The following MTURN variants were observed in gnomAD, a reference collection of about 807,000 sequenced individuals.
The protein encoded by MTURN is maturin.
Under a neutral mutation model 14.9 loss-of-function variants are expected in MTURN, and 7 were observed. That is an observed-to-expected ratio of 0.47 (90% CI 0.27 to 0.88). The LOEUF is 0.88. MTURN is among the 40% of genes least tolerant of loss of function. MTURN has a pLI of 0.14. For synonymous variants in MTURN, 69 were observed against 72.5 expected, an observed-to-expected ratio of 0.95 and a Z score of 0.25; for missense variants, 151 against 174.1, an observed-to-expected ratio of 0.87 and a Z score of 0.75.
intron 1 of MTURN, chr7:30,145,737 T>A (rs74516169): frequency 0.053 from 66,345 of 1,241,736 alleles, 2,101 homozygotes; most frequent in Non-Finnish European, 0.061. Context: ...GAATGTCTTG[T>A]TCCAAGTTAA....
At position 30,135,308 on chromosome 7, in the gene MTURN, T is replaced by C. The variant is rs769186834; in HGVS notation, c.162+10T>C. 4 of 1,511,712 alleles carry C rather than the reference T, an allele frequency of 2.6e-6. No homozygotes were observed. In the South Asian group the frequency reaches 3.7e-5, roughly 14 times the overall value. The allele number at this position is 1,511,712 out of a possible 1,614,324, so 93.6% of individuals were successfully genotyped here. A position where few individuals can be genotyped will look rare whatever the true frequency, so the allele number is the denominator to read the frequency against. On this transcript the variant is annotated intron_variant, in intron 1 of 2. Coordinates refer to ENST00000324453, the MANE Select transcript of MTURN (RefSeq NM_152793.3). The stretch of plus-strand genomic sequence containing the variant: ...CTGCGGCGACAATTTTGTGAGTGCC[T>C]GGAGGAGGGACCGCCGGAGCCGGCG...
At position 30,158,137 on chromosome 7, in the gene MTURN, C is replaced by A. The variant is rs565498785; in HGVS notation, c.*589C>A. 1 of 152,348 alleles carries A rather than the reference C, an allele frequency of 6.6e-6. No individual in the cohort carries two copies. Among genetic ancestry groups the A allele is most frequent in the Admixed American group, 6.5e-5 (1 of 15,300 alleles). 9.4% of individuals were successfully genotyped at this position (152,348 alleles called of 1,614,324 possible). A position where few individuals can be genotyped will look rare whatever the true frequency, so the allele number is the denominator to read the frequency against. On this transcript the variant is annotated 3_prime_UTR_variant, in exon 3 of 3. Coordinates refer to ENST00000324453, the MANE Select transcript of MTURN (RefSeq NM_152793.3). ...GCCCAGAAGCCTTTAAGTGTTTTGC[C>A]ATTACTGAGTTACCTGGGTATGTAG...
intron 1 of MTURN, among the ~76,000 whole-genome samples, chr7:30,136,504 G>A (rs893270959): frequency 5.3e-5 from 8 of 152,202 alleles, no homozygotes; most frequent in Admixed American, 2.0e-4. Context: ...AGACAAAGCT[G>A]GGCCGTGGTC....
intron 1 of MTURN, among the ~76,000 whole-genome samples, chr7:30,144,210 A>G (rs1055011696): frequency 6.6e-6 from 1 of 152,168 alleles, no homozygotes; most frequent in African/African-American, 2.4e-5. Flanking sequence ...TCAGCTTTTA[A>G]CTCTGTCATC....
chr7:30,154,060 A>T (rs761846903), intron 2 of MTURN, among the ~76,000 whole-genome samples: 9 of 152,130 alleles, frequency 5.9e-5, no homozygotes, highest in Non-Finnish European at 8.8e-5. Flanking sequence ...CAGGTTCAAG[A>T]GGCCAAAGAA....
chr7:30,151,452 T>C (rs1284584778), intron 2 of MTURN, among the ~76,000 whole-genome samples: 1 of 152,188 alleles, frequency 6.6e-6, no homozygotes, highest in Non-Finnish European at 1.5e-5. Context: ...TGCCGTTCAG[T>C]TTTCCCCACC....
rs184544072 is a variant in MTURN, at chr7:30,138,067, G to A, written c.162+2769G>A. On this transcript the variant is annotated intron_variant, in intron 1 of 2. Coordinates refer to ENST00000324453, the MANE Select transcript of MTURN (RefSeq NM_152793.3). ...ACTTGGGTTTGCACCTCAGCTCCCC[G>A]TATTTGTGTGCCTTGGGAAAGTTAT... is the stretch of plus-strand genomic sequence containing the variant. Among the ~76,000 whole-genome samples the A allele has an allele frequency of 2.0e-3, 306 of 152,218 alleles. 1 individual carries two copies. The highest frequency in any genetic ancestry group is 6.3e-3 in the African/African-American group (262 of 41,526).
intron 1 of MTURN, among the ~76,000 whole-genome samples, chr7:30,141,597 C>T (rs1797054032): frequency 6.6e-6 from 1 of 152,068 alleles, no homozygotes; most frequent in Non-Finnish European, 1.5e-5. Context: ...GATCAGAGCT[C>T]ACCGTAACCT....
chr7:30,135,002 A>G lies in MTURN; in HGVS notation c.-135A>G, dbSNP rs1796918173. 8 of 709,948 alleles carry G rather than the reference A, an allele frequency of 1.1e-5. No individual in the cohort carries two copies. The highest frequency in any genetic ancestry group is 1.4e-5 in the Non-Finnish European group (8 of 569,820). The allele number at this position is 709,948 out of a possible 1,614,324, so 44.0% of individuals were successfully genotyped here. On this transcript the variant is annotated 5_prime_UTR_variant, in exon 1 of 3. The change abolishes the stop of an existing upstream ORF in the 5' untranslated region. Transcript: ENST00000324453. ...GCCCGCCCCACTCCGCACCGCATGT[A>G]AACAGTCCCAGCCGGCCCAGCCCGG...
chr7:30,143,918 G>A (rs1054659819), intron 1 of MTURN, among the ~76,000 whole-genome samples: 3 of 152,242 alleles, frequency 2.0e-5, no homozygotes, highest in South Asian at 2.1e-4. Flanking sequence ...AAGCCCAGAT[G>A]TACTTACTTT....
chr7:30,138,458 T>G (rs1198902849), intron 1 of MTURN, among the ~76,000 whole-genome samples: 7 of 152,070 alleles, frequency 4.6e-5, no homozygotes, highest in Non-Finnish European at 8.8e-5. Flanking sequence ...GATGATAATA[T>G]TAGTACCTCC....
intron 2 of MTURN, among the ~76,000 whole-genome samples, chr7:30,148,311 T>A (rs980381314): frequency 1.3e-5 from 2 of 152,180 alleles, no homozygotes; most frequent in Admixed American, 1.3e-4. Flanking sequence ...ACAACACCTG[T>A]GTCCAGGGAG....
At chr7:30,150,709 T>C (rs914183525) in intron 2 of MTURN, among the ~76,000 whole-genome samples, 3 of 152,176 alleles carry the variant, frequency 2.0e-5, no homozygotes, top group African/African-American at 7.2e-5. Context: ...GACTGAAGAA[T>C]AGCCGGACCT....
chr7:30,136,845 C>G (rs2128029385), intron 1 of MTURN, among the ~76,000 whole-genome samples: 1 of 152,206 alleles, frequency 6.6e-6, no homozygotes, highest in East Asian at 1.9e-4. Flanking sequence ...AGGTAACGCA[C>G]CGAATAGTCC....
In MTURN at chr7:30,157,761, G is replaced by A. The variant is rs1053996332; in HGVS notation, c.*213G>A. 1.3e-5 allele frequency: 4 copies of A among 306,010 alleles called. No individual in the cohort carries two copies. Among genetic ancestry groups the A allele is most frequent in the Non-Finnish European group, 2.4e-5 (4 of 165,696 alleles). 19.0% of individuals were successfully genotyped at this position (306,010 alleles called of 1,614,324 possible). A position where few individuals can be genotyped will look rare whatever the true frequency, so the allele number is the denominator to read the frequency against. On this transcript the variant is annotated 3_prime_UTR_variant, in exon 3 of 3. Transcript: ENST00000324453. ...CTGAATTTCACTCCCGCTTCAGTGGGGTTTCTATGGAGTTGTCTTGGTAGC... is the reference window on the plus strand; with the variant it reads ...CTGAATTTCACTCCCGCTTCAGTGGAGTTTCTATGGAGTTGTCTTGGTAGC...
rs1372102179 is a variant in MTURN, at chr7:30,153,091, C to T, written c.286-4347C>T. On this transcript the variant is annotated intron_variant, in intron 2 of 2. Transcript: ENST00000324453. ...ATAATTTAAATATACCAGTCACTTT[C>T]GTTTTTTGGCCCACCTTTTTGGTAT... Among the ~76,000 whole-genome samples, 8 of 152,168 alleles carry T rather than the reference C, an allele frequency of 5.3e-5. 1 individual carries two copies. In the South Asian group the frequency reaches 8.3e-4, roughly 16 times the overall value.
chr7:30,154,177 A>G (rs1025322663), intron 2 of MTURN, among the ~76,000 whole-genome samples: 3 of 152,066 alleles, frequency 2.0e-5, no homozygotes, highest in African/African-American at 4.8e-5. Context: ...CATGCAGTCC[A>G]GTGGCGGCAG....
At chr7:30,148,729 A>G (rs1183202021) in intron 2 of MTURN, among the ~76,000 whole-genome samples, 1 of 126,174 alleles carries the variant, frequency 7.9e-6, no homozygotes, top group African/African-American at 3.0e-5. Context: ...CAAGCAGTGA[A>G]GGGAATGGCC....
intron 2 of MTURN, among the ~76,000 whole-genome samples, chr7:30,147,697 T>A (rs1797149405): frequency 6.6e-6 from 1 of 152,262 alleles, no homozygotes; most frequent in South Asian, 2.1e-4. Context: ...CAGCTTTTTT[T>A]AGTCATTCTC....
Sources: allele counts gnomAD v4.1 joint callset (sites outside exome capture counted in the v4.1 genomes callset), GRCh38; gene constraint gnomAD v4.1.1; transcripts MANE v1.5; gene names NCBI Gene and HGNC (gene_info 2026-07-23, HGNC 2026-07-21).